The following ZFAND3 variants were observed in gnomAD, a reference collection of about 807,000 sequenced individuals.
ZFAND3 encodes zinc finger AN1-type containing 3.
Under a neutral mutation model 29.6 loss-of-function variants are expected in ZFAND3, and 10 were observed. The ratio of observed to expected loss-of-function variants is 0.34; its 90% CI spans 0.21 to 0.57. The LOEUF is 0.57. ZFAND3 is among the 20% of genes least tolerant of loss of function. The pLI, the probability that ZFAND3 is intolerant of heterozygous loss-of-function variation, is 0.86. For missense variants in ZFAND3, 230 were observed against 304.5 expected (o/e 0.76, Z 1.82); for synonymous variants, 128 against 112.6 (o/e 1.14, Z -0.87).
intron 2 of ZFAND3, among the ~76,000 whole-genome samples, chr6:37,943,797 CA>C (rs1296968093): frequency 6.6e-6 from 1 of 152,102 alleles, no homozygotes; most frequent in Non-Finnish European, 1.5e-5. Context: ...GTACTCAGTC[CA>C]AATGTCTACT....
At chr6:37,976,425 A>C (rs990424534) in intron 2 of ZFAND3, among the ~76,000 whole-genome samples, 1 of 151,922 alleles carries the variant, frequency 6.6e-6, no homozygotes, top group African/African-American at 2.4e-5. Context: ...CTACCAAAAA[A>C]AGACAAAAAT....
chr6:37,909,282 T>G (rs1283715829), intron 1 of ZFAND3, among the ~76,000 whole-genome samples: 1 of 150,846 alleles, frequency 6.6e-6, no homozygotes, highest in Non-Finnish European at 1.5e-5. Context: ...TTTTCTTTTT[T>G]TTTTTTTTCT....
intron 5 of ZFAND3, among the ~76,000 whole-genome samples, chr6:38,121,208 C>G (rs980952707): frequency 2.0e-5 from 3 of 152,044 alleles, no homozygotes; most frequent in African/African-American, 7.2e-5. Context: ...ATAGTAAGAC[C>G]CTGTCTCTAT....
intron 1 of ZFAND3, among the ~76,000 whole-genome samples, chr6:37,828,057 C>T (rs1763791512): frequency 6.6e-6 from 1 of 152,178 alleles, no homozygotes; most frequent in Non-Finnish European, 1.5e-5. Flanking sequence ...TGTGGAGGAA[C>T]AGCTGTTGAT....
intron 3 of ZFAND3, among the ~76,000 whole-genome samples, chr6:38,071,838 G>T (rs1403975550): frequency 6.6e-6 from 1 of 152,126 alleles, no homozygotes; most frequent in African/African-American, 2.4e-5. Flanking sequence ...TGCTGGCATA[G>T]TACTCAATAA....
chr6:38,100,925 C>G (rs1370763339), intron 4 of ZFAND3, among the ~76,000 whole-genome samples: 1 of 152,106 alleles, frequency 6.6e-6, no homozygotes, highest in Non-Finnish European at 1.5e-5. Flanking sequence ...TTGAGTAAAT[C>G]GCAGACATGA....
At chr6:37,970,684 A>G (rs1762371336) in intron 2 of ZFAND3, among the ~76,000 whole-genome samples, 1 of 152,142 alleles carries the variant, frequency 6.6e-6, no homozygotes, top group African/African-American at 2.4e-5. Flanking sequence ...TGGGTGGATC[A>G]TGAGGTCAGG....
In ZFAND3 at chr6:38,154,238, T is replaced by C; in HGVS notation, c.*1849T>C. 1.0e-6 allele frequency: 1 copy of C among 985,492 alleles called. No homozygotes were observed. The highest frequency in any genetic ancestry group is 1.2e-6 in the Non-Finnish European group (1 of 829,976). 61.0% of individuals were successfully genotyped at this position (985,492 alleles called of 1,614,324 possible). On this transcript the variant is annotated 3_prime_UTR_variant, in exon 6 of 6. Coordinates refer to ENST00000287218, the MANE Select transcript of ZFAND3 (RefSeq NM_021943.3). ...CGCCAAGCTCTGGTCCCGAAGAGGC[T>C]GTGCGAGCCCTTCCCGGCCCTCCCC...
chr6:38,038,076 CTGCGTGT>C (rs1763692635), intron 2 of ZFAND3, among the ~76,000 whole-genome samples: 1 of 152,214 alleles, frequency 6.6e-6, no homozygotes, highest in African/African-American at 2.4e-5. Flanking sequence ...TCATGGCAGT[CTGCGTGT>C]AGGGCCTCCA....
At chr6:37,833,755 G>A (rs1396442814) in intron 1 of ZFAND3, among the ~76,000 whole-genome samples, 2 of 151,510 alleles carry the variant, frequency 1.3e-5, no homozygotes, top group Non-Finnish European at 2.9e-5. Flanking sequence ...GAACCTGGGA[G>A]GTGGAGGCTG....
intron 5 of ZFAND3, among the ~76,000 whole-genome samples, chr6:38,146,505 C>T (rs903400901): frequency 2.5e-4 from 38 of 152,214 alleles, no homozygotes; most frequent in African/African-American, 8.2e-4. Context: ...GGGACGCCCA[C>T]ACAAGTTCTT....
intron 3 of ZFAND3, among the ~76,000 whole-genome samples, chr6:38,062,123 A>G (rs1182607747): frequency 1.3e-5 from 2 of 152,100 alleles, no homozygotes; most frequent in South Asian, 2.1e-4. Flanking sequence ...GGGATCTGTT[A>G]TTTTTAACTC....
chr6:37,835,698 G>C (rs1763954895), intron 1 of ZFAND3, among the ~76,000 whole-genome samples: 1 of 152,072 alleles, frequency 6.6e-6, no homozygotes, highest in African/African-American at 2.4e-5. Context: ...CTTAGTCATG[G>C]TTATGTTCTT....
chr6:38,053,034 GAA>G (rs532652816), intron 2 of ZFAND3, among the ~76,000 whole-genome samples: 1 of 103,068 alleles, frequency 9.7e-6, no homozygotes. Flanking sequence ...ACTCCATTTC[GAA>G]AAAAAAAAAA....
intron 1 of ZFAND3, among the ~76,000 whole-genome samples, chr6:37,841,855 T>C (rs1764083232): frequency 6.6e-6 from 1 of 152,352 alleles, no homozygotes; most frequent in Admixed American, 6.5e-5. Flanking sequence ...TCAGTGAGTT[T>C]TGACAAATGC....
At chr6:38,009,388 G>C (rs1319316847) in intron 2 of ZFAND3, among the ~76,000 whole-genome samples, 1 of 152,152 alleles carries the variant, frequency 6.6e-6, no homozygotes, top group Non-Finnish European at 1.5e-5. Context: ...TGACCAGCAA[G>C]TAAGTTCCAA....
chr6:38,127,708 T>A lies in ZFAND3; in HGVS notation c.529+10969T>A, dbSNP rs1461734857. On this transcript the variant is annotated intron_variant, in intron 5 of 5. Coordinates refer to ENST00000287218, the MANE Select transcript of ZFAND3 (RefSeq NM_021943.3). ...TAGTCTCATCTCTTTTTTTTTTTTT[T>A]AAATAAATGAGAAAACCAAGATCGA... 7.9e-5 allele frequency among the ~76,000 whole-genome samples: 12 copies of A among 151,878 alleles called. No homozygotes were observed. In the South Asian group the frequency reaches 8.3e-4, roughly 11 times the overall value.
At chr6:38,050,112 G>T (rs1365070143) in intron 2 of ZFAND3, among the ~76,000 whole-genome samples, 1 of 151,306 alleles carries the variant, frequency 6.6e-6, no homozygotes, top group Non-Finnish European at 1.5e-5. Flanking sequence ...ACGTCACCAC[G>T]CCTGGCTGAT....
intron 1 of ZFAND3, among the ~76,000 whole-genome samples, chr6:37,903,153 C>G (rs1765350441): frequency 6.6e-6 from 1 of 151,968 alleles, no homozygotes; most frequent in Non-Finnish European, 1.5e-5. Context: ...CTTAGAAAAC[C>G]AATTTTGTGT....
Sources: allele counts gnomAD v4.1 joint callset (sites outside exome capture counted in the v4.1 genomes callset), GRCh38; gene constraint gnomAD v4.1.1; transcripts MANE v1.5; gene names NCBI Gene and HGNC (gene_info 2026-07-23, HGNC 2026-07-21).